Variants in GDAP2 observed in about 807,000 individuals in gnomAD.
GDAP2 encodes the protein ganglioside-induced differentiation-associated protein 2.
A neutral mutation model predicts 67.0 loss-of-function variants in GDAP2; 51 were observed. The observed-to-expected ratio is 0.76, with a 90% CI of 0.61 to 0.96. GDAP2 has a LOEUF of 0.96. GDAP2 is among the 40% of genes least tolerant of loss of function. The pLI, the probability that GDAP2 is intolerant of heterozygous loss-of-function variation, is 0.00. For missense variants in GDAP2, 547 were observed against 588.3 expected, an observed-to-expected ratio of 0.93 and a Z score of 0.73; for synonymous variants, 203 against 207.3, an observed-to-expected ratio of 0.98 and a Z score of 0.18.
intron 5 of GDAP2, among the ~76,000 whole-genome samples, chr1:117,907,055 C>A (rs1276926620): frequency 6.6e-6 from 1 of 152,158 alleles, no homozygotes; most frequent in Non-Finnish European, 1.5e-5. Flanking sequence ...AGATATCCTA[C>A]CCAGTCCTTC....
intron 6 of GDAP2, among the ~76,000 whole-genome samples, chr1:117,904,814 C>T (rs1649604160): frequency 6.6e-6 from 1 of 152,238 alleles, no homozygotes. Context: ...AGACTTCACT[C>T]CTCAGCTTCA....
Position 117,918,727 on chromosome 1 carries a change from A to T in GDAP2, c.186T>A (p.Asp62Glu). The T allele has an allele frequency of 6.2e-7, 1 of 1,600,956 alleles. No homozygotes were observed. Among genetic ancestry groups the T allele is most frequent in the African/African-American group, 1.3e-5 (1 of 74,788 alleles). The change falls in exon 3 of 14, where the codon GAT becomes GAA. Residue 62 changes from aspartate to glutamate, a missense_variant. Asp to Glu is a conservative substitution (Grantham distance 45, BLOSUM62 2). Coordinates refer to ENST00000369443, the MANE Select transcript of GDAP2 (RefSeq NM_017686.4). ...TGGCTGTACAGTTCAGTAATGCCAC[A>T]TCTCCTTTCCTGAAGAAACAATAAA... ...VNGKVVLWKG[D>E]VALLNCTAIV...
intron 2 of GDAP2, among the ~76,000 whole-genome samples, chr1:117,919,930 A>C (rs1650185300): frequency 6.6e-6 from 1 of 152,176 alleles, no homozygotes; most frequent in Admixed American, 6.5e-5. Flanking sequence ...AACAGAAAAA[A>C]AAACTTTTGG....
intron 6 of GDAP2, among the ~76,000 whole-genome samples, chr1:117,902,502 A>G (rs1414247861): frequency 6.6e-6 from 1 of 152,176 alleles, no homozygotes; most frequent in East Asian, 1.9e-4. Flanking sequence ...TAGGAATACA[A>G]CTTTGTTCTT....
intron 7 of GDAP2, among the ~76,000 whole-genome samples, chr1:117,898,175 A>C (rs967554799): frequency 2.0e-5 from 3 of 152,204 alleles, no homozygotes; most frequent in African/African-American, 7.2e-5. Context: ...CACTAAATGC[A>C]TTTTATGAAA....
At chr1:117,879,460 C>T (rs1648577187) in intron 12 of GDAP2, among the ~76,000 whole-genome samples, 1 of 151,356 alleles carries the variant, frequency 6.6e-6, no homozygotes, top group Admixed American at 6.6e-5. Flanking sequence ...AGGTCTAAAG[C>T]CTAAGAATGA....
At chr1:117,924,848 A>G (rs988566018) in intron 1 of GDAP2, among the ~76,000 whole-genome samples, 20 of 152,186 alleles carry the variant, frequency 1.3e-4, no homozygotes, top group Non-Finnish European at 2.1e-4. Flanking sequence ...AAGTATTCAG[A>G]CTTGAAATAG....
chr1:117,897,075 G>C, intron 7 of GDAP2, 86 bp from the exon 8 acceptor site: 1 of 901,262 alleles, frequency 1.1e-6, no homozygotes. Flanking sequence ...GGATGACAGT[G>C]AGGTAACTCA....
At position 117,899,032 on chromosome 1, in the gene GDAP2, A is replaced by C. The variant is rs757283612; in HGVS notation, c.796+25T>G. 2.5e-6 allele frequency: 4 copies of C among 1,598,150 alleles called. No homozygotes were observed. In the South Asian group the frequency reaches 4.4e-5, roughly 18 times the overall value. ...ATTTTTGGCCCTAAGAGGGAGATTT[A>C]AAAAGTTAGAGCTCTAGAACTCACC... On this transcript the variant is annotated intron_variant, in intron 7 of 13. Coordinates refer to ENST00000369443, the MANE Select transcript of GDAP2 (RefSeq NM_017686.4).
At position 117,883,546 on chromosome 1, in the gene GDAP2, C is replaced by T. The variant is rs762171411; in HGVS notation, c.1189G>A (p.Glu397Lys). The T allele has an allele frequency of 1.3e-5, 21 of 1,609,504 alleles. No individual in the cohort carries two copies. The highest frequency in any genetic ancestry group is 6.7e-5 in the African/African-American group (5 of 74,754). The part of the protein sequence containing the change: ...VLVYFHTLTS[E>K]YNHLDSDFLK... Reference sequence around the variant, plus strand: ...AAGTCGGAGTCCAGGTGATTGTATTCGCTGGTCAGGGTGTGAAAATACACT... The same window carrying T: ...AAGTCGGAGTCCAGGTGATTGTATTTGCTGGTCAGGGTGTGAAAATACACT... Residue 397 changes from glutamate (E) to lysine (K), a missense_variant, in exon 11 of 14, where the codon GAA becomes AAA. Glu to Lys is a moderately conservative substitution (Grantham distance 56). Transcript: ENST00000369443.
chr1:117,878,325 C>T (rs543417371), intron 12 of GDAP2, among the ~76,000 whole-genome samples, 173 bp from the exon 13 acceptor site: 7 of 152,244 alleles, frequency 4.6e-5, no homozygotes, highest in African/African-American at 1.7e-4. Flanking sequence ...TTATTAATAA[C>T]ATTAAAAAGA....
intron 1 of GDAP2, among the ~76,000 whole-genome samples, chr1:117,922,043 G>T (rs926057484): frequency 6.6e-5 from 10 of 151,204 alleles, no homozygotes; most frequent in Admixed American, 3.3e-4. Flanking sequence ...ATAACCAATG[G>T]TTTTTTTTTC....
At chr1:117,925,397 G>C in intron 1 of GDAP2, among the ~76,000 whole-genome samples, 1 of 152,034 alleles carries the variant, frequency 6.6e-6, no homozygotes, top group East Asian at 1.9e-4. Flanking sequence ...AGATTGCAGT[G>C]AGCTGAGATC....
chr1:117,922,300 A>G (rs531976898), intron 1 of GDAP2, among the ~76,000 whole-genome samples: 3 of 152,306 alleles, frequency 2.0e-5, no homozygotes, highest in East Asian at 1.9e-4. Context: ...TAGAGGCTGG[A>G]AAGAGGACAA....
intron 8 of GDAP2, among the ~76,000 whole-genome samples, chr1:117,892,861 T>C (rs191427044): frequency 4.9e-4 from 75 of 152,286 alleles, no homozygotes; most frequent in African/African-American, 1.7e-3. Context: ...AAATTCTGTC[T>C]TTGGAATTAG....
At chr1:117,911,708 A>G (rs1007308131) in intron 5 of GDAP2, among the ~76,000 whole-genome samples, 1 of 152,046 alleles carries the variant, frequency 6.6e-6, no homozygotes, top group African/African-American at 2.4e-5. Flanking sequence ...AGGGAGCCAC[A>G]ATCACTTAAT....
intron 1 of GDAP2, among the ~76,000 whole-genome samples, chr1:117,925,064 T>A (rs760345782): frequency 2.0e-5 from 3 of 152,224 alleles, no homozygotes; most frequent in Non-Finnish European, 4.4e-5. Context: ...GTTTTCAGTT[T>A]GTAAACTTGA....
chr1:117,899,332 T>C (rs1302260545), intron 6 of GDAP2, 116 bp from the exon 7 acceptor site: 1 of 705,120 alleles, frequency 1.4e-6, no homozygotes, highest in Non-Finnish European at 2.5e-6. Flanking sequence ...ATAAAGACTT[T>C]ACCACTTCTG....
chr1:117,874,317 CTTG>C (rs1648385364), intron 13 of GDAP2, among the ~76,000 whole-genome samples: 2 of 152,176 alleles, frequency 1.3e-5, no homozygotes, highest in Admixed American at 1.3e-4. Flanking sequence ...CCTATGAAAG[CTTG>C]TTGTTAAAAA....
Sources: gnomAD v4.1 joint callset for allele counts (sites outside exome capture counted in the v4.1 genomes callset) on GRCh38, gnomAD v4.1.1 for gene constraint, MANE v1.5 for transcripts, NCBI Gene and HGNC (gene_info 2026-07-23, HGNC 2026-07-21) for gene names.